Variants in NRXN1 observed in about 807,000 individuals in gnomAD.
NRXN1 encodes the protein neurexin-1.
A neutral mutation model predicts 150.9 loss-of-function variants in NRXN1; 39 were observed. That is an observed-to-expected ratio of 0.26 (90% CI 0.20 to 0.34). The LOEUF (loss-of-function observed/expected upper bound fraction) is 0.34. Ranked by LOEUF, NRXN1 falls within the 10% of genes least tolerant of loss-of-function variation. The pLI is 1.00. For missense variants in NRXN1, 1,815 were observed against 1,949.9 expected, an observed-to-expected ratio of 0.93 and a Z score of 1.30; for synonymous variants, 924 against 757.0, an observed-to-expected ratio of 1.22 and a Z score of -3.62.
At chr2:49,991,133 T>C (rs1211785272) in intron 21 of NRXN1, among the ~76,000 whole-genome samples, 3 of 152,182 alleles carry the variant, frequency 2.0e-5, no homozygotes, top group Admixed American at 6.5e-5. Flanking sequence ...TCATATGTAA[T>C]AGTGAGAAAC....
intron 5 of NRXN1, among the ~76,000 whole-genome samples, chr2:50,865,163 A>G (rs1676704612): frequency 6.6e-6 from 1 of 151,964 alleles, no homozygotes; most frequent in African/African-American, 2.4e-5. Context: ...TAGGGTCTAC[A>G]GACAGGTGAA....
At chr2:50,690,331 T>C (rs1691892162) in intron 5 of NRXN1, among the ~76,000 whole-genome samples, 1 of 152,194 alleles carries the variant, frequency 6.6e-6, no homozygotes, top group Non-Finnish European at 1.5e-5. Context: ...ATTCCAGACA[T>C]TCATAAATAT....
intron 2 of NRXN1, among the ~76,000 whole-genome samples, chr2:50,995,074 G>A (rs1476503794): frequency 1.3e-5 from 2 of 151,964 alleles, no homozygotes; most frequent in Non-Finnish European, 2.9e-5. Context: ...TATTTACACT[G>A]AGGCCTAAAT....
chr2:50,570,256 C>G (rs978193583), intron 8 of NRXN1, among the ~76,000 whole-genome samples: 4 of 150,894 alleles, frequency 2.7e-5, no homozygotes, highest in Admixed American at 1.3e-4. Flanking sequence ...CAGCAGAGTA[C>G]TGGGGGCGGG....
intron 8 of NRXN1, chr2:50,619,622 T>C (rs958586472): frequency 6.2e-6 from 2 of 323,960 alleles, no homozygotes; most frequent in African/African-American, 2.1e-5. Flanking sequence ...TATAGGCTAA[T>C]TGCTTTTTCT....
chr2:49,927,128 C>T (rs573606748), intron 22 of NRXN1, among the ~76,000 whole-genome samples: 14 of 152,256 alleles, frequency 9.2e-5, no homozygotes, highest in African/African-American at 3.4e-4. Flanking sequence ...TTCAATAAAC[C>T]ACAAAATTTA....
chr2:50,676,651 T>A (rs924230180), intron 5 of NRXN1, among the ~76,000 whole-genome samples: 3 of 152,186 alleles, frequency 2.0e-5, no homozygotes, highest in Non-Finnish European at 2.9e-5. Context: ...ATGTTAGCTC[T>A]AATGATAACA....
intron 5 of NRXN1, chr2:50,918,276 T>C (rs1685497462): frequency 5.5e-6 from 1 of 180,432 alleles, no homozygotes; most frequent in African/African-American, 2.3e-5. Context: ...AAATGGACAG[T>C]TGAAACCACC....
chr2:50,901,359 A>C (rs908235582), intron 5 of NRXN1, among the ~76,000 whole-genome samples: 4 of 151,752 alleles, frequency 2.6e-5, no homozygotes, highest in African/African-American at 9.7e-5. Flanking sequence ...CATGGTGAAA[A>C]CCAGTCTCTA....
chr2:50,832,813 T>C (rs928895345), intron 5 of NRXN1, among the ~76,000 whole-genome samples: 3 of 152,226 alleles, frequency 2.0e-5, no homozygotes, highest in Non-Finnish European at 4.4e-5. Context: ...CACAGAGATA[T>C]AGTGAGAAAG....
At chr2:50,648,313 T>C (rs561482092) in intron 5 of NRXN1, among the ~76,000 whole-genome samples, 8 of 152,082 alleles carry the variant, frequency 5.3e-5, no homozygotes, top group African/African-American at 1.9e-4. Flanking sequence ...TAGGAGAAAG[T>C]ATTTTCCATC....
chr2:50,479,540 C>T (rs971218362), intron 15 of NRXN1, among the ~76,000 whole-genome samples: 10 of 152,000 alleles, frequency 6.6e-5, no homozygotes, highest in African/African-American at 1.2e-4. Context: ...ATCCTAAACA[C>T]GTTTATATTC....
intron 2 of NRXN1, among the ~76,000 whole-genome samples, chr2:50,965,160 A>G (rs1435578377): frequency 2.0e-5 from 3 of 151,290 alleles, no homozygotes; most frequent in South Asian, 2.1e-4. Flanking sequence ...ATATACACAC[A>G]TATGTATATA....
intron 17 of NRXN1, among the ~76,000 whole-genome samples, chr2:50,465,126 T>C (rs1212725637): frequency 6.6e-6 from 1 of 151,748 alleles, no homozygotes; most frequent in African/African-American, 2.4e-5. Context: ...TAAAACAATA[T>C]GAAGGTTCTT....
chr2:50,058,159 T>C (rs1351719149), intron 19 of NRXN1, among the ~76,000 whole-genome samples: 1 of 152,214 alleles, frequency 6.6e-6, no homozygotes, highest in Non-Finnish European at 1.5e-5. Flanking sequence ...GACAGTATGA[T>C]GTAAGTCAAC....
intron 17 of NRXN1, among the ~76,000 whole-genome samples, chr2:50,299,050 A>T (rs2073906722): frequency 6.6e-6 from 1 of 152,084 alleles, no homozygotes; most frequent in African/African-American, 2.4e-5. Flanking sequence ...AATTGATCTG[A>T]CCCCTGAGGT....
At chr2:50,437,944 C>G (rs1233161618) in intron 17 of NRXN1, among the ~76,000 whole-genome samples, 1 of 152,088 alleles carries the variant, frequency 6.6e-6, no homozygotes, top group African/African-American at 2.4e-5. Flanking sequence ...AAAAATCTTC[C>G]TGGGGACTGA....
rs763961717 is a variant in NRXN1 at position 50,462,038 on chromosome 2, G to A, written c.3364+3404C>T. 5.9e-4 allele frequency among the ~76,000 whole-genome samples: 89 copies of A among 151,888 alleles called. 1 individual carries two copies. The highest frequency in any genetic ancestry group is 2.0e-3 in the African/African-American group (83 of 41,402). On this transcript the variant is annotated intron_variant, in intron 17 of 22. Transcript: ENST00000401669. Reference sequence around the variant, plus strand: ...ATGAAGGCTGGGGTCAGACCATTGAGGTCCACGAATTCCACATTGACTAAC... The same window carrying A: ...ATGAAGGCTGGGGTCAGACCATTGAAGTCCACGAATTCCACATTGACTAAC...
At chr2:50,387,618 A>G (rs2081411382) in intron 17 of NRXN1, among the ~76,000 whole-genome samples, 2 of 152,180 alleles carry the variant, frequency 1.3e-5, no homozygotes, top group South Asian at 4.1e-4. Flanking sequence ...AGTTCAGCTC[A>G]ATTCAGTTAG....
Sources: gnomAD v4.1 joint callset for allele counts (sites outside exome capture counted in the v4.1 genomes callset) on GRCh38, gnomAD v4.1.1 for gene constraint, MANE v1.5 for transcripts, NCBI Gene and HGNC (gene_info 2026-07-23, HGNC 2026-07-21) for gene names.